Variants in MCC observed in about 807,000 individuals in gnomAD.
MCC encodes MCC regulator of Wnt signaling pathway.
A neutral mutation model predicts 116.2 loss-of-function variants in MCC; 90 were observed. That is an observed-to-expected ratio of 0.77 (90% CI 0.65 to 0.92). The LOEUF is 0.92. Among genes scored for constraint, MCC ranks in the 40% least tolerant of loss-of-function variants. MCC has a pLI of 0.00. For synonymous variants in MCC, 578 were observed against 510.5 expected (o/e 1.13, Z -1.78); for missense variants, 1,516 against 1,312.2 (o/e 1.16, Z -2.40).
At chr5:113,259,238 T>C (rs1765132957) in intron 3 of MCC, among the ~76,000 whole-genome samples, 1 of 152,218 alleles carries the variant, frequency 6.6e-6, no homozygotes, top group Admixed American at 6.5e-5. Flanking sequence ...ATGCATTTAT[T>C]TGCCATTCTC....
intron 1 of MCC, among the ~76,000 whole-genome samples, chr5:113,406,039 G>A (rs759946886): frequency 2.6e-5 from 4 of 151,914 alleles, no homozygotes; most frequent in Non-Finnish European, 4.4e-5. Flanking sequence ...CAATTCAAGG[G>A]CTAATTACTT....
At chr5:113,433,727 G>T (rs766128709) in intron 1 of MCC, 1 of 1,605,246 alleles carries the variant, frequency 6.2e-7, no homozygotes, top group South Asian at 1.1e-5. Flanking sequence ...TCCCTGGGCC[G>T]CAAGAAGCTC....
intron 3 of MCC, among the ~76,000 whole-genome samples, chr5:113,200,058 G>C (rs1363438181): frequency 6.6e-6 from 1 of 152,164 alleles, no homozygotes; most frequent in Non-Finnish European, 1.5e-5. Flanking sequence ...AGCACAGGTG[G>C]AAAGAGTTTT....
At chr5:113,409,881 A>G (rs1310229342) in intron 1 of MCC, among the ~76,000 whole-genome samples, 3 of 152,190 alleles carry the variant, frequency 2.0e-5, no homozygotes, top group African/African-American at 7.2e-5. Context: ...TATGCTCACT[A>G]TAAAATTTTA....
intron 3 of MCC, among the ~76,000 whole-genome samples, chr5:113,242,458 GA>G (rs58596466): frequency 6.6e-6 from 1 of 151,260 alleles, no homozygotes. Context: ...AAATTAACTG[GA>G]AAAAAAATTA....
chr5:113,389,044 A>T (rs566454063), intron 1 of MCC, among the ~76,000 whole-genome samples: 3 of 152,226 alleles, frequency 2.0e-5, no homozygotes, highest in Admixed American at 6.5e-5. Flanking sequence ...AGAAAATTAC[A>T]ATCATCTATA....
intron 3 of MCC, among the ~76,000 whole-genome samples, chr5:113,208,339 T>C (rs1762994746): frequency 6.6e-6 from 1 of 152,174 alleles, no homozygotes; most frequent in Admixed American, 6.5e-5. Flanking sequence ...GTTCCCCTGA[T>C]GGACAAGACT....
intron 2 of MCC, among the ~76,000 whole-genome samples, chr5:113,355,133 C>A (rs760718736): frequency 2.2e-4 from 34 of 152,132 alleles, no homozygotes; most frequent in African/African-American, 7.5e-4. Flanking sequence ...CAAAAAAGAA[C>A]TATAAAAATA....
rs77298410 is a variant in MCC, at chr5:113,155,027, C to G, written c.628-3605G>C. Among the ~76,000 whole-genome samples the G allele has an allele frequency of 7.3e-3, 1,119 of 152,268 alleles. 18 individuals are homozygous for G. Among genetic ancestry groups the G allele is most frequent in the African/African-American group, 0.026 (1,069 of 41,540 alleles). On this transcript the variant is annotated intron_variant, in intron 3 of 18. Transcript: ENST00000408903. ...CATTAACCAACCTCTCTCTTCATCC[C>G]TCCCCCACTATCCTCACATTCTTCC...
chr5:113,436,791 C>G (rs1366552958), intron 1 of MCC: 1 of 152,158 alleles, frequency 6.6e-6, no homozygotes, highest in Non-Finnish European at 1.5e-5. Flanking sequence ...CAACCTCTTA[C>G]CCCAGAGACA....
intron 5 of MCC, among the ~76,000 whole-genome samples, chr5:113,131,552 G>C (rs189614676): frequency 6.2e-4 from 95 of 152,300 alleles, no homozygotes; most frequent in South Asian, 2.9e-3. Context: ...CATGTTTCAA[G>C]TAGAAAGGAT....
chr5:113,452,779 T>C (rs1406126976), intron 1 of MCC, among the ~76,000 whole-genome samples: 2 of 152,200 alleles, frequency 1.3e-5, no homozygotes, highest in African/African-American at 4.8e-5. Flanking sequence ...AGTCTAAGAT[T>C]ATGATTTCAT....
intron 3 of MCC, among the ~76,000 whole-genome samples, chr5:113,245,715 C>A (rs190468612): frequency 2.0e-5 from 3 of 152,272 alleles, no homozygotes; most frequent in Admixed American, 1.3e-4. Context: ...TCTGACAAAG[C>A]CTCATACTTT....
At chr5:113,202,719 C>T (rs758498737) in intron 3 of MCC, among the ~76,000 whole-genome samples, 34 of 151,794 alleles carry the variant, frequency 2.2e-4, no homozygotes, top group Non-Finnish European at 4.3e-4. Flanking sequence ...TGTTCCCATT[C>T]CCCAGCTCCC....
intron 1 of MCC, among the ~76,000 whole-genome samples, chr5:113,388,953 G>A (rs1033092613): frequency 3.3e-5 from 5 of 152,202 alleles, no homozygotes; most frequent in African/African-American, 9.7e-5. Context: ...ATTTTGGCAT[G>A]AGAAAACAAT....
intron 3 of MCC, among the ~76,000 whole-genome samples, chr5:113,180,927 T>C (rs976400457): frequency 6.6e-6 from 1 of 152,054 alleles, no homozygotes; most frequent in Non-Finnish European, 1.5e-5. Flanking sequence ...ACTTTGAAAG[T>C]CATCATTTAT....
In MCC at chr5:113,097,144, T is replaced by C. The variant is rs1756074666; in HGVS notation, c.1398+4595A>G. The stretch of plus-strand genomic sequence containing the variant: ...GACAAAAAAGAAGACTCAGCTTATA[T>C]GTGAATATCAAACCATTAAAAGCTG... On this transcript the variant is annotated intron_variant, in intron 8 of 18. Transcript: ENST00000408903. Among the ~76,000 whole-genome samples, 3 of 152,358 alleles carry C rather than the reference T, an allele frequency of 2.0e-5. No homozygotes were observed. The South Asian group carries it at 6.2e-4, about 32-fold the overall frequency.
At position 113,027,250 on chromosome 5, in the gene MCC, G is replaced by A. The variant is rs930623818; in HGVS notation, c.*52C>T. 1.3e-6 allele frequency: 2 copies of A among 1,585,282 alleles called. No individual in the cohort carries two copies. Among genetic ancestry groups the A allele is most frequent in the African/African-American group, 1.3e-5 (1 of 74,160 alleles). The stretch of plus-strand genomic sequence containing the variant: ...GTACATGGGCCCTTCTGTCCCCAGT[G>A]GCCTGCTGCAGTTTACTTCCCATGG... On this transcript the variant is annotated 3_prime_UTR_variant, in exon 19 of 19. Coordinates refer to ENST00000408903, the MANE Select transcript of MCC (RefSeq NM_001085377.2).
intron 1 of MCC, among the ~76,000 whole-genome samples, chr5:113,469,245 T>G (rs935683857): frequency 2.0e-5 from 3 of 152,212 alleles, no homozygotes; most frequent in African/African-American, 7.2e-5. Context: ...TGTTTGCTCT[T>G]GCTTTTCTAG....
Sources: allele counts gnomAD v4.1 joint callset (sites outside exome capture counted in the v4.1 genomes callset), GRCh38; gene constraint gnomAD v4.1.1; transcripts MANE v1.5; gene names NCBI Gene and HGNC (gene_info 2026-07-23, HGNC 2026-07-21).